MBD4: variants seen among roughly 807,000 people sequenced by gnomAD.
MBD4 encodes methyl-CpG binding domain 4, DNA glycosylase, also known as methyl-CpG-binding domain protein 4.
A neutral mutation model predicts 60.2 loss-of-function variants in MBD4; 53 were observed. The observed-to-expected ratio is 0.88, with a 90% CI of 0.71 to 1.11. The LOEUF (loss-of-function observed/expected upper bound fraction) is 1.11, where lower values mean the gene tolerates loss of function less well. Among genes scored for constraint, MBD4 ranks in the 50% least tolerant of loss-of-function variants. The pLI, the probability that MBD4 is intolerant of heterozygous loss-of-function variation, is 0.00. For missense variants in MBD4, 619 were observed against 674.0 expected (o/e 0.92, Z 0.90); for synonymous variants, 231 against 229.8 (o/e 1.01, Z -0.05).
In MBD4 at chr3:129,437,848, G is replaced by A. The variant is rs745423464; in HGVS notation, c.207C>T (p.Ile69=). 2.5e-5 allele frequency: 40 copies of A among 1,613,812 alleles called. No homozygotes were observed. Among genetic ancestry groups the A allele is most frequent in the Non-Finnish European group, 2.8e-5 (33 of 1,179,656 alleles). ...CAGTAGCACCAAACTGAGCAGAAGC[G>A]ATGGGTTCTTGTAGCAAGGGATTAC... ...SECNPLLQEP[I]ASAQFGATAG... The change falls in exon 2 of 8, where the codon ATC becomes ATT. Residue 69 remains isoleucine (I), a synonymous_variant. Coordinates refer to ENST00000429544, the MANE Select transcript of MBD4 (RefSeq NM_001276270.2).
At chr3:129,437,560 C>T (rs963871690) in intron 2 of MBD4, among the ~76,000 whole-genome samples, 160 bp downstream of exon 2, 1 of 152,170 alleles carries the variant, frequency 6.6e-6, no homozygotes, top group Non-Finnish European at 1.5e-5. Flanking sequence ...ATGTAATTTT[C>T]CCCAAATCAC....
At chr3:129,439,146 G>A (rs1270167540) in intron 1 of MBD4, among the ~76,000 whole-genome samples, 2 of 152,144 alleles carry the variant, frequency 1.3e-5, no homozygotes. Context: ...TAGAATCAAG[G>A]TTTTCTGATG....
chr3:129,431,131 C>CCA lies in MBD4; in HGVS notation c.*368_*369dup, dbSNP rs2072336172. 3 of 257,118 alleles carry CCA rather than the reference C, an allele frequency of 1.2e-5. No individual in the cohort carries two copies. The highest frequency in any genetic ancestry group is 5.2e-5 in the Admixed American group (1 of 19,244). The allele number at this position is 257,118 out of a possible 1,614,324, so 15.9% of individuals were successfully genotyped here. On this transcript the variant is annotated 3_prime_UTR_variant, in exon 8 of 8. Coordinates refer to ENST00000429544, the MANE Select transcript of MBD4 (RefSeq NM_001276270.2). ...AGCCTTCCGAGATTACAGGCATGCACCACCACGCCTAGCCGATAAAAATAT... is the reference window on the plus strand; with the variant it reads ...AGCCTTCCGAGATTACAGGCATGCACCACACCACGCCTAGCCGATAAAAATAT...
chr3:129,439,111 ATAG>A (rs2072621451), intron 1 of MBD4, among the ~76,000 whole-genome samples: 1 of 152,248 alleles, frequency 6.6e-6, no homozygotes, highest in Non-Finnish European at 1.5e-5. Context: ...TTTTCTACAA[ATAG>A]GGAAACTGCA....
Position 129,433,832 on chromosome 3 carries a change from T to G in MBD4, c.1393+18A>C. 6.2e-7 allele frequency: 1 copy of G among 1,613,970 alleles called. No individual in the cohort carries two copies. Among genetic ancestry groups the G allele is most frequent in the Non-Finnish European group, 8.5e-7 (1 of 1,179,930 alleles). ...CACACTGTCTCTACTAAGACAAAGA[T>G]GATAATAATCCCCAAACCTGAGGTC... is the stretch of plus-strand genomic sequence containing the variant. On this transcript the variant is annotated intron_variant, in intron 5 of 7. Coordinates refer to ENST00000429544, the MANE Select transcript of MBD4 (RefSeq NM_001276270.2).
At chr3:129,434,005 A>G (rs2072407869) in intron 4 of MBD4, 21 bp from the exon 5 acceptor site, 1 of 1,614,194 alleles carries the variant, frequency 6.2e-7, no homozygotes, top group Non-Finnish European at 8.5e-7. Flanking sequence ...ATAGTGCATC[A>G]GAATTGAAAA....
At chr3:129,435,412 A>G (rs929078254) in intron 3 of MBD4, among the ~76,000 whole-genome samples, 1 of 152,220 alleles carries the variant, frequency 6.6e-6, no homozygotes, top group South Asian at 2.1e-4. Context: ...TCTCATGTTG[A>G]GAACTAGACT....
At position 129,431,405 on chromosome 3, in the gene MBD4, A is replaced by C; in HGVS notation, c.*96T>G. 1 of 1,002,342 alleles carries C rather than the reference A, an allele frequency of 1.0e-6. No individual in the cohort carries two copies. The highest frequency in any genetic ancestry group is 1.6e-6 in the Non-Finnish European group (1 of 633,814). The allele number at this position is 1,002,342 out of a possible 1,614,324, so 62.1% of individuals were successfully genotyped here. A position where few individuals can be genotyped will look rare whatever the true frequency, so the allele number is the denominator to read the frequency against. On this transcript the variant is annotated 3_prime_UTR_variant, in exon 8 of 8. Transcript: ENST00000429544. ...ACTAGGCTTCTAGTTGGGCTAATTAAAATCTCTATGGCTGGAAAGGTGGTT... is the reference window on the plus strand; with the variant it reads ...ACTAGGCTTCTAGTTGGGCTAATTACAATCTCTATGGCTGGAAAGGTGGTT...
Position 129,433,884 on chromosome 3 carries a change from A to C in MBD4, c.1359T>G (p.Leu453=). The change falls in exon 5 of 8, where the codon CTT becomes CTG. Residue 453 remains leucine, a synonymous_variant. Transcript: ENST00000429544. ...QETLFHDPWK[L]LIATIFLNRT... ...GATTGAGAAATATAGTAGCGATGAG[A>C]AGCTTCCATGGATCATGAAAAAGTG... 6.2e-7 allele frequency: 1 copy of C among 1,614,170 alleles called. No individual in the cohort carries two copies.
chr3:129,433,547 A>T lies in MBD4; in HGVS notation c.1394-300T>A, dbSNP rs895184875. On this transcript the variant is annotated intron_variant, in intron 5 of 7. Coordinates refer to ENST00000429544, the MANE Select transcript of MBD4 (RefSeq NM_001276270.2). ...TAGAAGCATATAGAACACAAGGTAC[A>T]TTCAGTGAAAAAGATACTTTTAAAC... The T allele has an allele frequency of 2.6e-5, 15 of 579,134 alleles. 1 individual carries two copies. The highest frequency in any genetic ancestry group is 4.0e-5 in the Non-Finnish European group (13 of 327,994). The allele number at this position is 579,134 out of a possible 1,614,324, so 35.9% of individuals were successfully genotyped here.
In MBD4 at chr3:129,437,049, G is replaced by C. The variant is rs776505029; in HGVS notation, c.595C>G (p.Gln199Glu). 2.5e-6 allele frequency: 4 copies of C among 1,614,042 alleles called. No individual in the cohort carries two copies. The highest frequency in any genetic ancestry group is 3.4e-6 in the Non-Finnish European group (4 of 1,180,046). Reference sequence around the variant, plus strand: ...AAGTTAGAGAGTCCTCTGCTCTCCTGCAACTCTGAACTACTACTTGGCGGC... The same window carrying C: ...AAGTTAGAGAGTCCTCTGCTCTCCTCCAACTCTGAACTACTACTTGGCGGC... ...FMPPSSSSEL[Q>E]ESRGLSNFTS... Residue 199 changes from glutamine to glutamate, a missense_variant, in exon 3 of 8, where the codon CAG becomes GAG. Gln to Glu is a conservative substitution (Grantham distance 29). Transcript: ENST00000429544.
chr3:129,437,170 GCAGTCTTTAT>G lies in MBD4; in HGVS notation c.464_473del (p.Tyr155SerfsTer6). 1 of 1,614,034 alleles carries G rather than the reference GCAGTCTTTAT, an allele frequency of 6.2e-7. No individual in the cohort carries two copies. Among genetic ancestry groups the G allele is most frequent in the Non-Finnish European group, 8.5e-7 (1 of 1,179,940 alleles). ...GATGGGATGTCAGGGCTGCCATGCTGCAGTCTTTATATCTTGACTTGATACCCCTTTTAGA... is the reference window on the plus strand; with the variant it reads ...GATGGGATGTCAGGGCTGCCATGCTGATCTTGACTTGATACCCCTTTTAGA... On this transcript the variant is annotated frameshift_variant, in exon 3 of 8. Coordinates refer to ENST00000429544, the MANE Select transcript of MBD4 (RefSeq NM_001276270.2). LOFTEE classifies it high-confidence loss of function.
Position 129,436,768 on chromosome 3 carries a change from A to G in MBD4, c.876T>C (p.Asp292=), listed in dbSNP as rs1397157235. 5 of 1,614,008 alleles carry G rather than the reference A, an allele frequency of 3.1e-6. No individual in the cohort carries two copies. The African/African-American group carries it at 6.7e-5, about 22-fold the overall frequency. The part of the protein sequence containing the change: ...SQLDRTVCIS[D]AGACGETLSV... ...TGAGGGTCTCACCACATGCTCCAGC[A>G]TCAGAAATGCAGACAGTTCTATCAA... is the stretch of plus-strand genomic sequence containing the variant. The change falls in exon 3 of 8, where the codon GAT becomes GAC. Residue 292 remains aspartate (D), a synonymous_variant. Transcript: ENST00000429544.
Position 129,436,462 on chromosome 3 carries a change from A to G in MBD4, c.1182T>C (p.Thr394=). ...GGATACCTTGAAATATTTTCTCACC[A>G]GTGAAGTCTTTCCTGGTTGGTGAGC... ...NNCSPTRKDF[T]EDTIPRTQIE... is the part of the protein sequence containing the mutation. Residue 394 remains threonine, a splice_region_variant and synonymous_variant, in exon 3 of 8, where the codon ACT becomes ACC. Coordinates refer to ENST00000429544, the MANE Select transcript of MBD4 (RefSeq NM_001276270.2). The G allele has an allele frequency of 6.2e-7, 1 of 1,614,044 alleles. No individual in the cohort carries two copies. Among genetic ancestry groups the G allele is most frequent in the East Asian group, 2.2e-5 (1 of 44,872 alleles).
At position 129,433,990 on chromosome 3, in the gene MBD4, C is replaced by T; in HGVS notation, c.1259-6G>A. The T allele has an allele frequency of 6.2e-7, 1 of 1,614,074 alleles. No homozygotes were observed. The stretch of plus-strand genomic sequence containing the variant: ...ACGTCGTGGGGGGCTAAGAGCTAAA[C>T]AAACATAGTGCATCAGAATTGAAAA... On this transcript the variant is annotated splice_region_variant and splice_polypyrimidine_tract_variant and intron_variant, in intron 4 of 7. Coordinates refer to ENST00000429544, the MANE Select transcript of MBD4 (RefSeq NM_001276270.2).
At chr3:129,435,809 T>C (rs1313236812) in intron 3 of MBD4, among the ~76,000 whole-genome samples, 1 of 152,192 alleles carries the variant, frequency 6.6e-6, no homozygotes, top group Non-Finnish European at 1.5e-5. Flanking sequence ...TGAGGTATTA[T>C]AAAGACAAAA....
rs1460049081 is a variant in MBD4, at chr3:129,436,733, C to T, written c.911G>A (p.Ser304Asn). ...GACGETLSVTSEENSLVKKKE... is the reference protein window; with the variant it reads ...GACGETLSVTNEENSLVKKKE... ...TTTTTTTACAAGGCTGTTTTCTTCACTGGTCACACTGAGGGTCTCACCACA... is the reference window on the plus strand; with the variant it reads ...TTTTTTTACAAGGCTGTTTTCTTCATTGGTCACACTGAGGGTCTCACCACA... The change falls in exon 3 of 8, where the codon AGT (serine) becomes AAT (asparagine). Residue 304 changes from serine to asparagine, a missense_variant. By Grantham distance (46) the Ser-to-Asn change is conservative. Coordinates refer to ENST00000429544, the MANE Select transcript of MBD4 (RefSeq NM_001276270.2). The T allele has an allele frequency of 1.2e-6, 2 of 1,613,894 alleles. No individual in the cohort carries two copies. Among genetic ancestry groups the T allele is most frequent in the Non-Finnish European group, 1.7e-6 (2 of 1,180,000 alleles).
In MBD4 at chr3:129,437,854, T is replaced by A. The variant is rs751629274; in HGVS notation, c.201A>T (p.Glu67Asp). Residue 67 changes from glutamate to aspartate, a missense_variant, in exon 2 of 8, where the codon GAA becomes GAT. By Grantham distance (45) the Glu-to-Asp change is conservative. Coordinates refer to ENST00000429544, the MANE Select transcript of MBD4 (RefSeq NM_001276270.2). ...CACCAAACTGAGCAGAAGCGATGGGTTCTTGTAGCAAGGGATTACATTCAC... is the reference window on the plus strand; with the variant it reads ...CACCAAACTGAGCAGAAGCGATGGGATCTTGTAGCAAGGGATTACATTCAC... ...RSSECNPLLQ[E>D]PIASAQFGAT... is the part of the protein sequence containing the mutation. 8.7e-6 allele frequency: 14 copies of A among 1,614,094 alleles called. No homozygotes were observed. In the Admixed American group the frequency reaches 2.2e-4, roughly 25 times the overall value.
rs1161615890 is a variant in MBD4 at position 129,431,566 on chromosome 3, C to T, written c.1660G>A (p.Asp554Asn). 7.4e-6 allele frequency: 12 copies of T among 1,611,464 alleles called. No individual in the cohort carries two copies. The highest frequency in any genetic ancestry group is 1.3e-5 in the African/African-American group (1 of 74,890). The change falls in exon 8 of 8, where the codon GAC becomes AAC. Residue 554 changes from aspartate to asparagine, a missense_variant. Physicochemically the swap from Asp to Asn is conservative, Grantham distance 23. Transcript: ENST00000429544. ...VNEWKQVHPEDHKLNKYHDWL... is the reference protein window; with the variant it reads ...VNEWKQVHPENHKLNKYHDWL... Reference sequence around the variant, plus strand: ...TCATGATATTTATTTAATTTGTGGTCTTCAGGGTGCACCTGGAAGAAACAT... The same window carrying T: ...TCATGATATTTATTTAATTTGTGGTTTTCAGGGTGCACCTGGAAGAAACAT...
Sources: gnomAD v4.1 joint callset for allele counts (sites outside exome capture counted in the v4.1 genomes callset) on GRCh38, gnomAD v4.1.1 for gene constraint, MANE v1.5 for transcripts, NCBI Gene and HGNC (gene_info 2026-07-23, HGNC 2026-07-21) for gene names.